Variants in ZBTB10 observed in about 807,000 individuals in gnomAD.
The protein encoded by ZBTB10 is zinc finger and BTB domain containing 10.
ZBTB10 carries 32 observed loss-of-function variants against 76.4 expected under a neutral mutation model. The observed-to-expected ratio is 0.42, with a 90% CI of 0.32 to 0.56. The LOEUF (loss-of-function observed/expected upper bound fraction) is 0.56, where lower values mean the gene tolerates loss of function less well. Among genes scored for constraint, ZBTB10 ranks in the 20% least tolerant of loss-of-function variants. The pLI is 0.14. For synonymous variants in ZBTB10, 523 were observed against 432.9 expected, an observed-to-expected ratio of 1.21 and a Z score of -2.58; for missense variants, 1,057 against 1,098.5, an observed-to-expected ratio of 0.96 and a Z score of 0.53.
chr8:80,496,234 T>C (rs977480488), intron 1 of ZBTB10, among the ~76,000 whole-genome samples: 1 of 152,204 alleles, frequency 6.6e-6, no homozygotes, highest in Non-Finnish European at 1.5e-5. Context: ...GCAAATGATA[T>C]TGGCAGTTTA....
At chr8:80,505,324 T>C (rs946788317) in intron 2 of ZBTB10, among the ~76,000 whole-genome samples, 2 of 152,190 alleles carry the variant, frequency 1.3e-5, no homozygotes, top group African/African-American at 4.8e-5. Context: ...TTTTATGTAG[T>C]TGACACCAAG....
chr8:80,487,184 T>A lies in ZBTB10; in HGVS notation c.374T>A (p.Phe125Tyr). ...LAERNRRTLA[F>Y]RGGGGGGLGN... ...GAAAGGAACCGTCGGACTCTGGCCTTCCGAGGCGGCGGCGGCGGGGGTCTC... is the reference window on the plus strand; with the variant it reads ...GAAAGGAACCGTCGGACTCTGGCCTACCGAGGCGGCGGCGGCGGGGGTCTC... Residue 125 changes from phenylalanine (F) to tyrosine (Y), a missense_variant, in exon 1 of 6, where the codon TTC becomes TAC. Coordinates refer to ENST00000455036, the MANE Select transcript of ZBTB10 (RefSeq NM_001105539.3). 2 of 1,510,136 alleles carry A rather than the reference T, an allele frequency of 1.3e-6. No homozygotes were observed. Among genetic ancestry groups the A allele is most frequent in the Non-Finnish European group, 1.8e-6 (2 of 1,128,692 alleles). The allele number at this position is 1,510,136 out of a possible 1,614,324, so 93.5% of individuals were successfully genotyped here. A position where few individuals can be genotyped will look rare whatever the true frequency, so the allele number is the denominator to read the frequency against.
chr8:80,512,478 A>C (rs1195630504), intron 2 of ZBTB10, among the ~76,000 whole-genome samples: 1 of 152,204 alleles, frequency 6.6e-6, no homozygotes, highest in Non-Finnish European at 1.5e-5. Flanking sequence ...TGGGAGGCCA[A>C]GGCAGGAGGA....
chr8:80,506,072 C>G (rs745560200), intron 2 of ZBTB10, among the ~76,000 whole-genome samples: 1 of 151,946 alleles, frequency 6.6e-6, no homozygotes. Context: ...TGTTTCAAAA[C>G]CATGGGACAT....
At chr8:80,496,467 A>G (rs1270767587) in intron 1 of ZBTB10, among the ~76,000 whole-genome samples, 3 of 150,722 alleles carry the variant, frequency 2.0e-5, no homozygotes, top group Non-Finnish European at 2.9e-5. Context: ...GTTGTTGGTT[A>G]TAAAAACAAG....
At chr8:80,488,360 T>C (rs959360893) in intron 1 of ZBTB10, among the ~76,000 whole-genome samples, 6 of 152,260 alleles carry the variant, frequency 3.9e-5, no homozygotes, top group African/African-American at 1.4e-4. Flanking sequence ...CTCTTGTGAA[T>C]AATTTTACTA....
chr8:80,514,981 T>C (rs986699114), intron 3 of ZBTB10, among the ~76,000 whole-genome samples: 18 of 152,186 alleles, frequency 1.2e-4, no homozygotes, highest in African/African-American at 3.6e-4. Flanking sequence ...AACCACTAGA[T>C]TGAAGGAGAC....
chr8:80,491,040 C>CCCTG (rs1815617400), intron 1 of ZBTB10, among the ~76,000 whole-genome samples: 1 of 152,170 alleles, frequency 6.6e-6, no homozygotes. Context: ...CCTGTCTGTA[C>CCCTG]TTAGTGTAGC....
At chr8:80,486,057 G>T (rs1289625838), upstream of ZBTB10, 4 of 650,544 alleles carry the variant, frequency 6.1e-6, no homozygotes, top group Non-Finnish European at 8.5e-6. Context: ...CCGCACCCCC[G>T]CCCCCAGGCC....
In ZBTB10 at chr8:80,519,398, C is replaced by T. The variant is rs868862780; in HGVS notation, c.2486C>T (p.Pro829Leu). The change falls in exon 6 of 6, where the codon CCT (proline) becomes CTT (leucine). Residue 829 changes from proline (P) to leucine (L), a missense_variant. Physicochemically the swap from Pro to Leu is moderately conservative, Grantham distance 98 (BLOSUM62 -3). Coordinates refer to ENST00000455036, the MANE Select transcript of ZBTB10 (RefSeq NM_001105539.3). ...GVDQGQDTEF[P>L]RDEEYEENEV... is the part of the protein sequence containing the mutation. ...GATCAGGGACAGGATACAGAATTCC[C>T]TCGGGATGAAGAATACGAGGAGAAT... 2 of 1,577,578 alleles carry T rather than the reference C, an allele frequency of 1.3e-6. No individual in the cohort carries two copies. The highest frequency in any genetic ancestry group is 1.5e-5 in the African/African-American group (1 of 65,414).
At chr8:80,486,187 T>G, upstream of ZBTB10, 1 of 1,022,108 alleles carries the variant, frequency 9.8e-7, no homozygotes, top group South Asian at 2.7e-5. Flanking sequence ...CAGCGGTTAC[T>G]GCTACCCCGG....
upstream of ZBTB10, chr8:80,485,680 T>A (rs999509950): frequency 9.9e-7 from 1 of 1,006,702 alleles, no homozygotes; most frequent in South Asian, 1.6e-5. Context: ...GGAGGTTGTG[T>A]CCGTGGTCGT....
intron 2 of ZBTB10, among the ~76,000 whole-genome samples, chr8:80,512,821 T>C (rs1316329961): frequency 1.3e-5 from 2 of 152,310 alleles, no homozygotes; most frequent in African/African-American, 4.8e-5. Flanking sequence ...TCAGTATTTT[T>C]TCTTAATTGA....
rs145467940 is a variant in ZBTB10 at position 80,497,472 on chromosome 8, T to TGG, written c.973-2014_973-2013dup. Among the ~76,000 whole-genome samples the TGG allele has an allele frequency of 3.7e-3, 427 of 116,738 alleles. 4 individuals carry two copies. The highest frequency in any genetic ancestry group is 0.011 in the South Asian group (37 of 3,362). 76.6% of individuals were successfully genotyped at this position (116,738 alleles called of 152,430 possible). ...TAGAGCATGGAACATTATTATATGG[T>TGG]GGGGGGGGGCATGGGTGGGAGTTTT... On this transcript the variant is annotated intron_variant, in intron 1 of 5. Coordinates refer to ENST00000455036, the MANE Select transcript of ZBTB10 (RefSeq NM_001105539.3).
chr8:80,490,238 G>T (rs945124748), intron 1 of ZBTB10, among the ~76,000 whole-genome samples: 4 of 152,060 alleles, frequency 2.6e-5, no homozygotes, highest in Non-Finnish European at 2.9e-5. Flanking sequence ...ACTTAGTGCC[G>T]TTATTTATTA....
At chr8:80,518,312 T>G in intron 3 of ZBTB10, 91 bp from the exon 4 acceptor site, 1 of 1,226,138 alleles carries the variant, frequency 8.2e-7, no homozygotes, top group Non-Finnish European at 1.1e-6. Flanking sequence ...TCATAATGCC[T>G]GTAGGATATA....
At chr8:80,495,123 ATC>A (rs531241942) in intron 1 of ZBTB10, among the ~76,000 whole-genome samples, 2 of 148,118 alleles carry the variant, frequency 1.4e-5, no homozygotes, top group Admixed American at 6.9e-5. Flanking sequence ...GGGGATTCAA[ATC>A]TCTCTCTCTC....
Position 80,508,666 on chromosome 8 carries a change from T to C in ZBTB10, c.1862-5244T>C, listed in dbSNP as rs1816117290. On this transcript the variant is annotated intron_variant, in intron 2 of 5. Coordinates refer to ENST00000455036, the MANE Select transcript of ZBTB10 (RefSeq NM_001105539.3). ...CAGTGTGAGTGGATCTTTTGTTATG[T>C]AGGAGTTTGCTAGGAGGGGAAGAAG... Among the ~76,000 whole-genome samples, 4 of 152,138 alleles carry C rather than the reference T, an allele frequency of 2.6e-5. No individual in the cohort carries two copies. The South Asian group carries it at 8.3e-4, about 32-fold the overall frequency.
At chr8:80,494,748 A>T (rs1815736237) in intron 1 of ZBTB10, among the ~76,000 whole-genome samples, 2 of 151,870 alleles carry the variant, frequency 1.3e-5, no homozygotes, top group African/African-American at 4.8e-5. Flanking sequence ...GGAGACTCTT[A>T]TCTCTACAAA....
Sources: gnomAD v4.1 joint callset for allele counts (sites outside exome capture counted in the v4.1 genomes callset) on GRCh38, gnomAD v4.1.1 for gene constraint, MANE v1.5 for transcripts, NCBI Gene and HGNC (gene_info 2026-07-23, HGNC 2026-07-21) for gene names.